Variants in LYRM1 observed in about 807,000 individuals in gnomAD.
LYRM1 encodes LYR motif containing 1, also known as LYR motif-containing protein 1.
Under a neutral mutation model 14.9 loss-of-function variants are expected in LYRM1, and 14 were observed. The ratio of observed to expected loss-of-function variants is 0.94; its 90% CI spans 0.62 to 1.47. The LOEUF (loss-of-function observed/expected upper bound fraction) is 1.47, where lower values mean the gene tolerates loss of function less well. LYRM1 is among the 40% of genes most tolerant of loss of function. The pLI is 0.00. For missense variants in LYRM1, 153 were observed against 149.9 expected, an observed-to-expected ratio of 1.02 and a Z score of -0.11; for synonymous variants, 43 against 56.2, an observed-to-expected ratio of 0.77 and a Z score of 1.05.
At position 20,916,083 on chromosome 16, in the gene LYRM1, T is replaced by TCG. The variant is rs538396149; in HGVS notation, c.159+369_159+370insCG. ...AAGTGGTTTTTTGTTGTTGTTGTTG[T>TCG]TTTTTTTTTCAATTCATAAACTATT... On this transcript the variant is annotated intron_variant, in intron 2 of 3. Coordinates refer to ENST00000567954, the MANE Select transcript of LYRM1 (RefSeq NM_001128302.3). 4.6e-3 allele frequency among the ~76,000 whole-genome samples: 688 copies of TCG among 149,188 alleles called. 4 individuals carry two copies. The highest frequency in any genetic ancestry group is 0.017 in the African/African-American group (659 of 39,268).
intron 3 of LYRM1, 89 bp from the exon 4 acceptor site, chr16:20,923,911 A>T: frequency 1.4e-6 from 1 of 705,148 alleles, no homozygotes. Context: ...CTTAGCAGAG[A>T]ATATGGTACT....
At chr16:20,900,215 A>C (rs1179604390), upstream of LYRM1, 1 of 137,126 alleles carries the variant, frequency 7.3e-6, no homozygotes, top group Non-Finnish European at 1.5e-5. Context: ...GCTGCTCCAG[A>C]GGTTCCTCCA....
At chr16:20,902,615 C>T (rs937379322) in intron 1 of LYRM1, 7 of 152,174 alleles carry the variant, frequency 4.6e-5, no homozygotes, top group Admixed American at 2.6e-4. Flanking sequence ...CTCATCCACC[C>T]GCTTGCCAGC....
In LYRM1 at chr16:20,923,164, G is replaced by A. The variant is rs548637367; in HGVS notation, c.253-836G>A. Among the ~76,000 whole-genome samples, 4 of 152,198 alleles carry A rather than the reference G, an allele frequency of 2.6e-5. No homozygotes were observed. In the South Asian group the frequency reaches 8.3e-4, roughly 32 times the overall value. On this transcript the variant is annotated intron_variant, in intron 3 of 3. Transcript: ENST00000567954. ...CCTCACAGATACACCTAGAAATGAT[G>A]TTTAATCTGGGCACCCATTGCCAAT...
rs879589322 is a variant in LYRM1, at chr16:20,920,946, ACT to A, written c.252+733_252+734del. Reference sequence around the variant, plus strand: ...AATTTAAAATAAAAAAATTATATAAACTTAATACATTCAGAAAGTTAAGAAAC... The same window carrying A: ...AATTTAAAATAAAAAAATTATATAAATAATACATTCAGAAAGTTAAGAAAC... On this transcript the variant is annotated intron_variant, in intron 3 of 3. Coordinates refer to ENST00000567954, the MANE Select transcript of LYRM1 (RefSeq NM_001128302.3). 6.2e-3 allele frequency among the ~76,000 whole-genome samples: 940 copies of A among 150,656 alleles called. 9 individuals are homozygous for A. Among genetic ancestry groups the A allele is most frequent in the Non-Finnish European group, 9.6e-3 (649 of 67,590 alleles).
At chr16:20,912,807 C>G (rs2082663257) in intron 1 of LYRM1, among the ~76,000 whole-genome samples, 1 of 151,640 alleles carries the variant, frequency 6.6e-6, no homozygotes, top group Non-Finnish European at 1.5e-5. Context: ...TGGCTCATGC[C>G]TGTAATCCCA....
intron 1 of LYRM1, among the ~76,000 whole-genome samples, chr16:20,913,357 G>A (rs954091621): frequency 6.7e-6 from 1 of 150,052 alleles, no homozygotes; most frequent in Non-Finnish European, 1.5e-5. Flanking sequence ...CTGTTGCCCA[G>A]GCTGGAATAC....
At chr16:20,923,555 G>A (rs1479804827) in intron 3 of LYRM1, among the ~76,000 whole-genome samples, 1 of 149,916 alleles carries the variant, frequency 6.7e-6, no homozygotes, top group East Asian at 1.9e-4. Flanking sequence ...AATTTAACCA[G>A]CCCCTCTCTT....
At chr16:20,921,846 A>T (rs969463711) in intron 3 of LYRM1, 1 of 152,050 alleles carries the variant, frequency 6.6e-6, no homozygotes, top group African/African-American at 2.4e-5. Flanking sequence ...CAACCTAATT[A>T]GTTTGGTAGT....
At chr16:20,923,074 C>T (rs2083278996) in intron 3 of LYRM1, among the ~76,000 whole-genome samples, 1 of 152,176 alleles carries the variant, frequency 6.6e-6, no homozygotes, top group Non-Finnish European at 1.5e-5. Flanking sequence ...TGCCCATTCA[C>T]ACTGGGGAGG....
intron 1 of LYRM1, among the ~76,000 whole-genome samples, chr16:20,907,492 T>C (rs2082381928): frequency 6.6e-6 from 1 of 152,008 alleles, no homozygotes. Flanking sequence ...TCTGAAAGTG[T>C]TGGGCTTATA....
intron 2 of LYRM1, 110 bp from the exon 3 acceptor site, chr16:20,920,012 C>A: frequency 1.7e-6 from 1 of 579,762 alleles, no homozygotes; most frequent in East Asian, 3.1e-5. Flanking sequence ...AAATTAGTAA[C>A]ATTTCATTTA....
At chr16:20,913,805 AT>A (rs979117742) in intron 1 of LYRM1, among the ~76,000 whole-genome samples, 124 of 146,124 alleles carry the variant, frequency 8.5e-4, no homozygotes, top group South Asian at 4.1e-3. Flanking sequence ...CATCAGAAAG[AT>A]TTTTTTTTTT....
intron 1 of LYRM1, among the ~76,000 whole-genome samples, chr16:20,908,463 G>C (rs1249757734): frequency 1.3e-5 from 2 of 152,230 alleles, no homozygotes; most frequent in African/African-American, 4.8e-5. Context: ...AGCTGAGTTT[G>C]AATCCTAGCC....
upstream of LYRM1, chr16:20,900,222 T>G (rs1443375490): frequency 7.2e-6 from 1 of 138,072 alleles, no homozygotes. Context: ...CAGAGGTTCC[T>G]CCAGTCAAAC....
chr16:20,902,668 C>A (rs973992996), intron 1 of LYRM1: 15 of 152,208 alleles, frequency 9.9e-5, no homozygotes, highest in Admixed American at 8.5e-4. Context: ...GCTCAAATCT[C>A]TTCCCTCCCT....
At chr16:20,923,956 C>CA in intron 3 of LYRM1, 44 bp from the exon 4 acceptor site, 1 of 1,080,600 alleles carries the variant, frequency 9.3e-7, no homozygotes, top group Non-Finnish European at 1.4e-6. Context: ...TGAGCTGCTG[C>CA]AATGATGATG....
chr16:20,918,414 C>T (rs958722138), intron 2 of LYRM1, among the ~76,000 whole-genome samples: 1 of 152,108 alleles, frequency 6.6e-6, no homozygotes, highest in African/African-American at 2.4e-5. Context: ...TTTTAAGATA[C>T]GTACTTGCTT....
chr16:20,916,085 T>TTG (rs2082881676), intron 2 of LYRM1, among the ~76,000 whole-genome samples: 1 of 28,354 alleles, frequency 3.5e-5, no homozygotes, highest in African/African-American at 7.2e-5. Context: ...TGTTGTTGTT[T>TTG]TTTTTTTCAA....
Sources: allele counts gnomAD v4.1 joint callset (sites outside exome capture counted in the v4.1 genomes callset), GRCh38; gene constraint gnomAD v4.1.1; transcripts MANE v1.5; gene names NCBI Gene and HGNC (gene_info 2026-07-23, HGNC 2026-07-21).